The following JAZF1 variants were observed in gnomAD, a reference collection of about 807,000 sequenced individuals.
JAZF1 encodes the protein juxtaposed with another zinc finger protein 1.
A neutral mutation model predicts 26.4 loss-of-function variants in JAZF1; 8 were observed. The ratio of observed to expected loss-of-function variants is 0.30; its 90% CI spans 0.18 to 0.55. The LOEUF (loss-of-function observed/expected upper bound fraction) is 0.55, where lower values mean the gene tolerates loss of function less well. Among genes scored for constraint, JAZF1 ranks in the 20% least tolerant of loss-of-function variants. The pLI is 0.94. For synonymous variants in JAZF1, 126 were observed against 122.3 expected (o/e 1.03, Z -0.20); for missense variants, 199 against 322.0 (o/e 0.62, Z 2.92).
intron 2 of JAZF1, among the ~76,000 whole-genome samples, chr7:27,988,807 A>G (rs2128364505): frequency 6.6e-6 from 1 of 152,054 alleles, no homozygotes; most frequent in South Asian, 2.1e-4. Flanking sequence ...AATACATGGA[A>G]CACGCATGTT....
chr7:27,997,097 A>G (rs895710682), intron 1 of JAZF1, among the ~76,000 whole-genome samples: 8 of 152,178 alleles, frequency 5.3e-5, no homozygotes, highest in Non-Finnish European at 1.0e-4. Context: ...GGAGTAGACA[A>G]AGACCTAGAG....
chr7:28,018,387 C>G (rs1583511742), intron 1 of JAZF1, among the ~76,000 whole-genome samples: 1 of 152,286 alleles, frequency 6.6e-6, no homozygotes, highest in South Asian at 2.1e-4. Context: ...AATGGAAAGA[C>G]ACAGGACAGT....
In JAZF1 at chr7:27,849,752, G is replaced by GACACACACACACATACACACACAC. The variant is rs1333082038; in HGVS notation, c.386-8886_386-8885insGTGTGTGTGTATGTGTGTGTGTGT. Reference sequence around the variant, plus strand: ...ATCAATATTGGAACCCTTACACACAGACACACACACACACACACACACCCC... The same window carrying GACACACACACACATACACACACAC: ...ATCAATATTGGAACCCTTACACACAGACACACACACACATACACACACACACACACACACACACACACACACCCC... On this transcript the variant is annotated intron_variant, in intron 3 of 4. Coordinates refer to ENST00000283928, the MANE Select transcript of JAZF1 (RefSeq NM_175061.4). Among the ~76,000 whole-genome samples the GACACACACACACATACACACACAC allele has an allele frequency of 1.3e-3, 142 of 108,470 alleles. 1 individual carries two copies. Among genetic ancestry groups the GACACACACACACATACACACACAC allele is most frequent in the African/African-American group, 5.8e-3 (137 of 23,524 alleles). The allele number at this position is 108,470 out of a possible 152,430, so 71.2% of individuals were successfully genotyped here.
Position 27,971,788 on chromosome 7 carries a change from C to T in JAZF1, c.188+20121G>A, listed in dbSNP as rs935027672. ...ATGGTGGGGGTGGAAGGGAAATCTC[C>T]AAGGTCATCTCTTGTGTTTAATTCG... On this transcript the variant is annotated intron_variant, in intron 2 of 4. Coordinates refer to ENST00000283928, the MANE Select transcript of JAZF1 (RefSeq NM_175061.4). 2.6e-5 allele frequency among the ~76,000 whole-genome samples: 4 copies of T among 152,116 alleles called. No individual in the cohort carries two copies. The East Asian group carries it at 7.7e-4, about 29-fold the overall frequency.
At chr7:27,914,764 A>G (rs1176190337) in intron 2 of JAZF1, 1 of 471,138 alleles carries the variant, frequency 2.1e-6, no homozygotes, top group Admixed American at 2.3e-5. Flanking sequence ...TCAGGATGCT[A>G]CAGTAGATCG....
At chr7:27,970,653 C>T (rs1785358718) in intron 2 of JAZF1, among the ~76,000 whole-genome samples, 1 of 152,098 alleles carries the variant, frequency 6.6e-6, no homozygotes, top group Admixed American at 6.5e-5. Context: ...ATTATTTGTA[C>T]TCATTACTAA....
At chr7:27,878,051 G>C (rs186487609) in intron 3 of JAZF1, among the ~76,000 whole-genome samples, 8 of 152,184 alleles carry the variant, frequency 5.3e-5, no homozygotes, top group Admixed American at 1.3e-4. Flanking sequence ...TGCCGAGTCT[G>C]CAAGTGTTCC....
At chr7:27,862,461 C>A (rs1288084799) in intron 3 of JAZF1, among the ~76,000 whole-genome samples, 1 of 151,894 alleles carries the variant, frequency 6.6e-6, no homozygotes, top group Non-Finnish European at 1.5e-5. Context: ...ACATACTATA[C>A]AATCCACTTA....
chr7:28,098,659 T>C (rs1429866602), intron 1 of JAZF1, among the ~76,000 whole-genome samples: 1 of 152,204 alleles, frequency 6.6e-6, no homozygotes, highest in Non-Finnish European at 1.5e-5. Context: ...CCTCACAATG[T>C]GTCCCACTGA....
At chr7:27,875,530 C>T (rs1783664053) in intron 3 of JAZF1, among the ~76,000 whole-genome samples, 1 of 152,216 alleles carries the variant, frequency 6.6e-6, no homozygotes, top group Non-Finnish European at 1.5e-5. Flanking sequence ...CCCACCAGAC[C>T]TAGCTAGCCT....
At chr7:28,170,772 A>G (rs1783455462) in intron 1 of JAZF1, among the ~76,000 whole-genome samples, 1 of 152,162 alleles carries the variant, frequency 6.6e-6, no homozygotes, top group Admixed American at 6.5e-5. Flanking sequence ...AAGAGCCTTC[A>G]ATGAAAATGC....
intron 2 of JAZF1, among the ~76,000 whole-genome samples, chr7:27,966,281 G>A (rs1785273864): frequency 6.6e-6 from 1 of 152,176 alleles, no homozygotes; most frequent in Admixed American, 6.5e-5. Context: ...TGGGAAGAGG[G>A]TGCTGCTTTT....
intron 4 of JAZF1, 81 bp from the exon 5 acceptor site, chr7:27,833,057 T>C (rs2128329602): frequency 1.8e-6 from 2 of 1,137,078 alleles, no homozygotes; most frequent in South Asian, 1.6e-5. Flanking sequence ...TGGGTCTGGA[T>C]TGCAGTTCCT....
At chr7:28,177,063 CA>C (rs1249470119) in intron 1 of JAZF1, among the ~76,000 whole-genome samples, 1 of 152,140 alleles carries the variant, frequency 6.6e-6, no homozygotes, top group Non-Finnish European at 1.5e-5. Flanking sequence ...GAATTGATAA[CA>C]AAATTGATGG....
intron 1 of JAZF1, among the ~76,000 whole-genome samples, chr7:28,096,973 C>T (rs1247575979): frequency 2.0e-5 from 3 of 152,162 alleles, no homozygotes; most frequent in African/African-American, 7.2e-5. Context: ...CCATCTGCAC[C>T]ACATCAGGCA....
At chr7:27,995,394 C>T (rs984509988) in intron 1 of JAZF1, among the ~76,000 whole-genome samples, 3 of 152,220 alleles carry the variant, frequency 2.0e-5, no homozygotes, top group Non-Finnish European at 2.9e-5. Context: ...CATTCGACCA[C>T]TTTCATATCA....
intron 2 of JAZF1, among the ~76,000 whole-genome samples, chr7:27,930,354 C>G (rs1784670352): frequency 6.6e-6 from 1 of 152,142 alleles, no homozygotes; most frequent in East Asian, 1.9e-4. Flanking sequence ...ACAGTTATTA[C>G]AATACTAAAA....
chr7:28,093,895 T>A (rs1447149078), intron 1 of JAZF1, among the ~76,000 whole-genome samples: 1 of 152,016 alleles, frequency 6.6e-6, no homozygotes, highest in Non-Finnish European at 1.5e-5. Flanking sequence ...AAAGTAAGGG[T>A]GTGGGTGGGC....
intron 1 of JAZF1, among the ~76,000 whole-genome samples, chr7:28,097,131 C>T (rs916357445): frequency 2.6e-5 from 4 of 152,046 alleles, no homozygotes; most frequent in African/African-American, 7.2e-5. Context: ...CCCCCACTTT[C>T]CCACCCAACC....
Sources: gnomAD v4.1 joint callset for allele counts (sites outside exome capture counted in the v4.1 genomes callset) on GRCh38, gnomAD v4.1.1 for gene constraint, MANE v1.5 for transcripts, NCBI Gene and HGNC (gene_info 2026-07-23, HGNC 2026-07-21) for gene names.